ZNF695: variants seen among roughly 807,000 people sequenced by gnomAD.
The protein encoded by ZNF695 is zinc finger protein SBZF3.
A neutral mutation model predicts 11.2 loss-of-function variants in ZNF695; 11 were observed. That is an observed-to-expected ratio of 0.98 (90% confidence interval 0.62 to 1.62). ZNF695 has a LOEUF of 1.62. ZNF695 is among the 40% of genes most tolerant of loss of function. The pLI, the probability that ZNF695 is intolerant of heterozygous loss-of-function variation, is 0.00. For missense variants in ZNF695, 559 were observed against 590.5 expected, an observed-to-expected ratio of 0.95 and a Z score of 0.55; for synonymous variants, 190 against 201.4, an observed-to-expected ratio of 0.94 and a Z score of 0.48.
At chr1:246,985,055 AT>A, downstream of ZNF695, among the ~76,000 whole-genome samples, 1 of 152,308 alleles carries the variant, frequency 6.6e-6, no homozygotes, top group East Asian at 1.9e-4. Flanking sequence ...TTGCTAATAA[AT>A]TATCCATACT....
In ZNF695 at chr1:246,946,775, C is replaced by A. The variant is rs561255955; in HGVS notation, c.489-948G>T. ...TAACTGGGATTCCTGTAGGCCTGAT[C>A]CAGAGAATCCTCTCTTCAGATAGTG... On this transcript the variant is annotated intron_variant, in intron 5 of 5. Transcript: ENST00000487338. 1.3e-4 allele frequency among the ~76,000 whole-genome samples: 20 copies of A among 152,328 alleles called. 1 individual carries two copies. The South Asian group carries it at 2.5e-3, about 19-fold the overall frequency.
chr1:246,965,164 G>A (rs1056454848), intron 5 of ZNF695, among the ~76,000 whole-genome samples: 3 of 151,760 alleles, frequency 2.0e-5, no homozygotes, highest in African/African-American at 7.2e-5. Context: ...TCAGAAGGTG[G>A]AGACCATCCT....
At chr1:246,963,224 C>T (rs1361090238) in intron 5 of ZNF695, among the ~76,000 whole-genome samples, 1 of 152,164 alleles carries the variant, frequency 6.6e-6, no homozygotes, top group Admixed American at 6.6e-5. Flanking sequence ...TTCATTTATT[C>T]ATGACACGTT....
chr1:246,976,543 C>T (rs189175860), intron 4 of ZNF695, among the ~76,000 whole-genome samples: 1,767 of 151,994 alleles, frequency 0.012, 38 homozygotes, highest in African/African-American at 0.04. Context: ...ACCTGTAATC[C>T]CAGCACTTTG....
Position 247,007,990 on chromosome 1 carries a change from G to C in ZNF695, c.-82C>G. 2 of 1,406,460 alleles carry C rather than the reference G, an allele frequency of 1.4e-6. No homozygotes were observed. The highest frequency in any genetic ancestry group is 1.9e-6 in the Non-Finnish European group (2 of 1,063,526). The allele number at this position is 1,406,460 out of a possible 1,614,324, so 87.1% of individuals were successfully genotyped here. A position where few individuals can be genotyped will look rare whatever the true frequency, so the allele number is the denominator to read the frequency against. Reference sequence around the variant, plus strand: ...CCACAGGGCGATGGAGCCTGCGGCAGTCACCCGGGACTCTCCGAGAGGCAG... The same window carrying C: ...CCACAGGGCGATGGAGCCTGCGGCACTCACCCGGGACTCTCCGAGAGGCAG... On this transcript the variant is annotated 5_prime_UTR_variant, in exon 1 of 4. Coordinates refer to ENST00000339986, the MANE Select transcript of ZNF695 (RefSeq NM_020394.5).
Position 246,986,854 on chromosome 1 carries a change from C to A in ZNF695, c.*113G>T. 6.9e-7 allele frequency: 1 copy of A among 1,451,222 alleles called. No individual in the cohort carries two copies. The highest frequency in any genetic ancestry group is 2.5e-4 in the Middle Eastern group (1 of 4,054). 89.9% of individuals were successfully genotyped at this position (1,451,222 alleles called of 1,614,324 possible). A position where few individuals can be genotyped will look rare whatever the true frequency, so the allele number is the denominator to read the frequency against. ...CAAAGGCTCATAGACTGTAAATGGC[C>A]TTTTGACAGTCATTACATTTGTAAC... On this transcript the variant is annotated 3_prime_UTR_variant, in exon 4 of 4. Transcript: ENST00000339986.
intron 5 of ZNF695, among the ~76,000 whole-genome samples, chr1:246,949,355 C>T (rs1667814968): frequency 6.6e-6 from 1 of 152,106 alleles, no homozygotes; most frequent in Non-Finnish European, 1.5e-5. Flanking sequence ...CTTTGGGCGG[C>T]CGAGGCAGGC....
intron 1 of ZNF695, among the ~76,000 whole-genome samples, chr1:247,007,430 A>G (rs568277106): frequency 7.8e-6 from 1 of 127,856 alleles, no homozygotes; most frequent in South Asian, 2.6e-4. Flanking sequence ...TGGGAGGCAG[A>G]GGTTGCGGTG....
At chr1:246,995,286 C>T (rs1482514266) in intron 3 of ZNF695, among the ~76,000 whole-genome samples, 1 of 152,170 alleles carries the variant, frequency 6.6e-6, no homozygotes, top group Non-Finnish European at 1.5e-5. Flanking sequence ...GAAACATTCA[C>T]AAATATACGG....
At chr1:246,957,439 C>T (rs1294141303) in intron 5 of ZNF695, among the ~76,000 whole-genome samples, 5 of 151,558 alleles carry the variant, frequency 3.3e-5, no homozygotes, top group African/African-American at 1.2e-4. Flanking sequence ...AGCAGAAAAT[C>T]GTATGTCTGA....
chr1:247,004,190 G>A (rs1023123281), intron 1 of ZNF695, among the ~76,000 whole-genome samples: 6 of 152,136 alleles, frequency 3.9e-5, no homozygotes, highest in East Asian at 1.9e-4. Flanking sequence ...CAGCCTGGGC[G>A]AGAGAGCGAG....
At chr1:246,971,647 GTT>G (rs1668429215) in intron 4 of ZNF695, among the ~76,000 whole-genome samples, 1 of 152,074 alleles carries the variant, frequency 6.6e-6, no homozygotes, top group South Asian at 2.1e-4. Flanking sequence ...GTTTGGCCTG[GTT>G]TTTCCTAGGT....
At chr1:246,991,798 A>G (rs536766460) in intron 3 of ZNF695, among the ~76,000 whole-genome samples, 26 of 152,354 alleles carry the variant, frequency 1.7e-4, no homozygotes, top group Non-Finnish European at 2.6e-4. Flanking sequence ...AAATAGGTAT[A>G]TCAAAGATAC....
At chr1:246,959,297 AAAAAAAAAAAAAAATATATATATATATAT>A in intron 5 of ZNF695, among the ~76,000 whole-genome samples, 1 of 64,642 alleles carries the variant, frequency 1.5e-5, no homozygotes, top group African/African-American at 7.2e-5. Flanking sequence ...AAAAAAAAAA[AAAAAAAAAAAAAAATATATATATATATAT>A]ATATATATAT....
downstream of ZNF695, among the ~76,000 whole-genome samples, chr1:246,982,999 T>C (rs573892368): frequency 2.1e-3 from 319 of 150,536 alleles, 2 homozygotes; most frequent in Admixed American, 8.1e-3. Context: ...GTCAGGAGAT[T>C]GAGACCATCC....
intron 4 of ZNF695, among the ~76,000 whole-genome samples, chr1:246,970,157 T>C (rs1192631234): frequency 6.6e-6 from 1 of 152,190 alleles, no homozygotes; most frequent in Admixed American, 6.6e-5. Flanking sequence ...CAAAGTAAAC[T>C]AGTGTTAAGA....
intron 3 of ZNF695, among the ~76,000 whole-genome samples, chr1:246,998,635 C>T (rs891443429): frequency 6.6e-6 from 1 of 152,220 alleles, no homozygotes; most frequent in Non-Finnish European, 1.5e-5. Flanking sequence ...ATCACCACTA[C>T]TCTCACATGT....
intron 4 of ZNF695, among the ~76,000 whole-genome samples, chr1:246,971,773 T>C (rs1668433533): frequency 6.6e-6 from 1 of 152,220 alleles, no homozygotes; most frequent in Admixed American, 6.5e-5. Context: ...GTATAACTAT[T>C]CTTATTCTAT....
Position 246,990,297 on chromosome 1 carries a change from C to T in ZNF695, c.260-2042G>A, listed in dbSNP as rs1271387958. ...ATTCCATGAAAAACAAACAAACAAA[C>T]AAAAAAGAGCAGGAGTCACTATACT... On this transcript the variant is annotated intron_variant, in intron 3 of 3. Coordinates refer to ENST00000339986, the MANE Select transcript of ZNF695 (RefSeq NM_020394.5). Among the ~76,000 whole-genome samples the T allele has an allele frequency of 2.0e-5, 3 of 151,580 alleles. 1 individual carries two copies. Among genetic ancestry groups the T allele is most frequent in the Admixed American group, 6.6e-5 (1 of 15,238 alleles).
Sources: allele counts gnomAD v4.1 joint callset (sites outside exome capture counted in the v4.1 genomes callset), GRCh38; gene constraint gnomAD v4.1.1; transcripts MANE v1.5; gene names NCBI Gene and HGNC (gene_info 2026-07-23, HGNC 2026-07-21).